Variants in AOPEP observed in about 807,000 individuals in gnomAD.
AOPEP encodes aminopeptidase O.
AOPEP carries 77 observed loss-of-function variants against 98.1 expected under a neutral mutation model. The observed-to-expected ratio is 0.78, with a 90% CI of 0.65 to 0.95. AOPEP has a LOEUF of 0.95. Among genes scored for constraint, AOPEP ranks in the 40% least tolerant of loss-of-function variants. The probability of loss-of-function intolerance (pLI) is 0.00; values close to 1 mark genes in which losing one functional copy is unlikely to be tolerated. For synonymous variants in AOPEP, 346 were observed against 365.3 expected, an observed-to-expected ratio of 0.95 and a Z score of 0.60; for missense variants, 1,024 against 1,024.7, an observed-to-expected ratio of 1.00 and a Z score of 0.01.
the AOPEP span, chr9:95,107,026 A>G: frequency 6.2e-7 from 1 of 1,605,126 alleles, no homozygotes; most frequent in Non-Finnish European, 8.5e-7. Flanking sequence ...CGCCTGGAGC[A>G]GAAATGAGTA....
At chr9:94,753,367 T>C (rs1021532426) in intron 1 of AOPEP, among the ~76,000 whole-genome samples, 4 of 152,118 alleles carry the variant, frequency 2.6e-5, no homozygotes, top group Middle Eastern at 3.2e-3. Flanking sequence ...GCAACAATAA[T>C]ATGGAAGCTG....
chr9:94,789,133 C>T (rs949747693), intron 3 of AOPEP, among the ~76,000 whole-genome samples: 1 of 152,230 alleles, frequency 6.6e-6, no homozygotes, highest in Non-Finnish European at 1.5e-5. Context: ...GCCACTCTGC[C>T]ATCTGCATTC....
At chr9:94,850,479 C>T (rs531951771) in intron 5 of AOPEP, among the ~76,000 whole-genome samples, 1 of 152,256 alleles carries the variant, frequency 6.6e-6, no homozygotes, top group East Asian at 1.9e-4. Context: ...TACCTTTAAT[C>T]CTCATTTCAT....
At chr9:95,070,394 G>A (rs1208381482) in intron 14 of AOPEP, among the ~76,000 whole-genome samples, 3 of 152,154 alleles carry the variant, frequency 2.0e-5, no homozygotes, top group Admixed American at 6.5e-5. Context: ...CCCAGATCAT[G>A]TTCCCTGGAC....
intron 3 of AOPEP, among the ~76,000 whole-genome samples, chr9:94,789,778 G>T (rs1347719504): frequency 3.3e-5 from 5 of 152,206 alleles, no homozygotes; most frequent in Non-Finnish European, 4.4e-5. Flanking sequence ...TCTCTTTGAG[G>T]CTGTGGTTTT....
intron 5 of AOPEP, among the ~76,000 whole-genome samples, chr9:94,802,525 C>T (rs1362066706): frequency 1.3e-5 from 2 of 152,180 alleles, no homozygotes; most frequent in Admixed American, 1.3e-4. Context: ...AGCAGGTAGG[C>T]TGTGTGTTTG....
chr9:95,142,069 T>A, the AOPEP span, among the ~76,000 whole-genome samples: 1 of 130,414 alleles, frequency 7.7e-6, no homozygotes, highest in African/African-American at 2.8e-5. Context: ...CTCGGCTCAC[T>A]ACAACCTCTG....
chr9:94,949,239 G>A (rs1345582529), intron 7 of AOPEP, among the ~76,000 whole-genome samples: 2 of 152,114 alleles, frequency 1.3e-5, no homozygotes, highest in African/African-American at 4.8e-5. Flanking sequence ...AGGACATTTT[G>A]GTTTTGTGTT....
chr9:94,881,614 G>GT (rs1645510493), intron 5 of AOPEP, among the ~76,000 whole-genome samples: 1 of 152,016 alleles, frequency 6.6e-6, no homozygotes, highest in South Asian at 2.1e-4. Flanking sequence ...CCAGGTTTAT[G>GT]TTTTTTTAAT....
At chr9:95,110,361 G>A in the AOPEP span, 1 of 1,020,964 alleles carries the variant, frequency 9.8e-7, no homozygotes, top group African/African-American at 1.7e-5. Flanking sequence ...AATATAAAAG[G>A]GCTTTAAAAA....
At chr9:95,058,876 C>T (rs368014043) in intron 13 of AOPEP, among the ~76,000 whole-genome samples, 2 of 152,128 alleles carry the variant, frequency 1.3e-5, no homozygotes, top group African/African-American at 2.4e-5. Context: ...GCACCTCTCT[C>T]GGAACATCAC....
chr9:94,867,343 C>T (rs771820179), intron 5 of AOPEP, among the ~76,000 whole-genome samples: 4 of 152,150 alleles, frequency 2.6e-5, no homozygotes, highest in Non-Finnish European at 5.9e-5. Flanking sequence ...GGCCCACTCT[C>T]GGCCGAGGTG....
chr9:94,994,368 G>C (rs1432612993), intron 11 of AOPEP, among the ~76,000 whole-genome samples: 1 of 152,102 alleles, frequency 6.6e-6, no homozygotes, highest in Admixed American at 6.5e-5. Context: ...CAGTTGACTA[G>C]AGTATCCTAT....
chr9:94,807,462 C>T, intron 5 of AOPEP, among the ~76,000 whole-genome samples: 1 of 152,194 alleles, frequency 6.6e-6, no homozygotes, highest in Non-Finnish European at 1.5e-5. Flanking sequence ...AATCATTCCT[C>T]TACCTGCGTT....
rs768646905 is a variant in AOPEP, at chr9:95,005,110, C to T, written c.1978-48C>T. ...AGTTAGCGGGCGCGGGGCAGGGAGG[C>T]CGGGGCCGCTCCCGCGGTAAACTTG... On this transcript the variant is annotated intron_variant, in intron 11 of 16. Transcript: ENST00000375315. 8.0e-6 allele frequency: 8 copies of T among 1,002,256 alleles called. No homozygotes were observed. In the South Asian group the frequency reaches 2.6e-4, roughly 33 times the overall value. The allele number at this position is 1,002,256 out of a possible 1,614,324, so 62.1% of individuals were successfully genotyped here. A position where few individuals can be genotyped will look rare whatever the true frequency, so the allele number is the denominator to read the frequency against.
Position 94,797,364 on chromosome 9 carries a change from G to C in AOPEP, c.1119-3393G>C, listed in dbSNP as rs1321697880. 2.0e-5 allele frequency among the ~76,000 whole-genome samples: 3 copies of C among 151,628 alleles called. No individual in the cohort carries two copies. The East Asian group carries it at 5.9e-4, about 30-fold the overall frequency. On this transcript the variant is annotated intron_variant, in intron 4 of 16. Coordinates refer to ENST00000375315, the MANE Select transcript of AOPEP (RefSeq NM_001193329.3). Reference sequence around the variant, plus strand: ...GAGAATTGCTTGAACCAGGGAGTCGGAGGTTGCAGTGAGCCGAGATTGCAC... The same window carrying C: ...GAGAATTGCTTGAACCAGGGAGTCGCAGGTTGCAGTGAGCCGAGATTGCAC...
In AOPEP at chr9:94,934,228, C is replaced by T. The variant is rs781007835; in HGVS notation, c.1661+5697C>T. On this transcript the variant is annotated intron_variant, in intron 7 of 16. Coordinates refer to ENST00000375315, the MANE Select transcript of AOPEP (RefSeq NM_001193329.3). The stretch of plus-strand genomic sequence containing the variant: ...CTCCTCCACCAGGACCTGGCTCTGT[C>T]GTCACCCACGGTCCTCTGTCCTCCA... 6.3e-4 allele frequency among the ~76,000 whole-genome samples: 95 copies of T among 152,000 alleles called. 1 individual carries two copies. The highest frequency in any genetic ancestry group is 1.0e-3 in the Non-Finnish European group (70 of 67,996).
At chr9:95,140,559 A>G in the AOPEP span, among the ~76,000 whole-genome samples, 18 of 152,194 alleles carry the variant, frequency 1.2e-4, no homozygotes, top group South Asian at 6.2e-4. Flanking sequence ...GGCCCATCTG[A>G]GAGGTTGTGT....
At chr9:94,773,249 CT>C in intron 3 of AOPEP, 81 bp downstream of exon 3, 1 of 1,220,894 alleles carries the variant, frequency 8.2e-7, no homozygotes, top group Non-Finnish European at 1.1e-6. Flanking sequence ...TTTTTCTAAA[CT>C]TTAAAGAGCT....
Sources: gnomAD v4.1 joint callset for allele counts (sites outside exome capture counted in the v4.1 genomes callset) on GRCh38, gnomAD v4.1.1 for gene constraint, MANE v1.5 for transcripts, NCBI Gene and HGNC (gene_info 2026-07-23, HGNC 2026-07-21) for gene names.